The following RHPN2 variants were observed in gnomAD, a reference collection of about 807,000 sequenced individuals.
RHPN2 encodes rhophilin-2.
A neutral mutation model predicts 79.0 loss-of-function variants in RHPN2; 40 were observed. That is an observed-to-expected ratio of 0.51 (90% CI 0.39 to 0.66). The LOEUF is 0.66. RHPN2 is among the 30% of genes least tolerant of loss of function. The pLI is 0.00. For missense variants in RHPN2, 686 were observed against 883.5 expected, an observed-to-expected ratio of 0.78 and a Z score of 2.83; for synonymous variants, 285 against 363.5, an observed-to-expected ratio of 0.78 and a Z score of 2.46.
chr19:33,053,271 G>A (rs1972204175), intron 1 of RHPN2, among the ~76,000 whole-genome samples: 1 of 151,920 alleles, frequency 6.6e-6, no homozygotes, highest in South Asian at 2.1e-4. Context: ...TTACAGGTGT[G>A]AGCCACTGCG....
intron 14 of RHPN2, among the ~76,000 whole-genome samples, chr19:32,980,975 A>T (rs1265734672): frequency 1.3e-5 from 2 of 151,910 alleles, no homozygotes; most frequent in Non-Finnish European, 2.9e-5. Context: ...AGTAGCTGGG[A>T]CTACAGACAC....
chr19:33,015,370 A>G (rs111456515), intron 4 of RHPN2, among the ~76,000 whole-genome samples: 2,465 of 127,210 alleles, frequency 0.019, no homozygotes, highest in South Asian at 0.028. Flanking sequence ...GGTTGCAGTG[A>G]GCTGAGATTG....
chr19:33,003,092 C>T, intron 7 of RHPN2, 92 bp from the exon 8 acceptor site: 1 of 1,159,408 alleles, frequency 8.6e-7, no homozygotes, highest in Non-Finnish European at 1.3e-6. Context: ...AGTGCGGTGG[C>T]TCATGCCCAT....
At position 33,002,501 on chromosome 19, in the gene RHPN2, C is replaced by A. The variant is rs1000856885; in HGVS notation, c.949-98G>T. 11 of 1,472,092 alleles carry A rather than the reference C, an allele frequency of 7.5e-6. No homozygotes were observed. In the African/African-American group the frequency reaches 1.3e-4, roughly 17 times the overall value. The allele number at this position is 1,472,092 out of a possible 1,614,324, so 91.2% of individuals were successfully genotyped here. ...GCCCTTTCTTCTTCCCATGCAACAG[C>A]CCCTGCCAGGGGCTGCTCCAGAATC... is the stretch of plus-strand genomic sequence containing the variant. On this transcript the variant is annotated intron_variant, in intron 8 of 14. Coordinates refer to ENST00000254260, the MANE Select transcript of RHPN2 (RefSeq NM_033103.5).
At chr19:33,033,976 C>T (rs369012535) in intron 2 of RHPN2, among the ~76,000 whole-genome samples, 1 of 151,964 alleles carries the variant, frequency 6.6e-6, no homozygotes, top group South Asian at 2.1e-4. Flanking sequence ...TATTTTTCCA[C>T]CTTTATATAT....
intron 14 of RHPN2, among the ~76,000 whole-genome samples, chr19:32,980,656 A>C (rs1448351158): frequency 6.6e-6 from 1 of 152,118 alleles, no homozygotes; most frequent in African/African-American, 2.4e-5. Context: ...ACCAATGCTT[A>C]TATAGAATTA....
chr19:33,063,196 C>A (rs1972296643), intron 1 of RHPN2, among the ~76,000 whole-genome samples: 1 of 152,084 alleles, frequency 6.6e-6, no homozygotes, highest in South Asian at 2.1e-4. Context: ...GTCCCAAACG[C>A]CACACATAAT....
At chr19:33,061,225 C>CTTTTT (rs35377340) in intron 1 of RHPN2, among the ~76,000 whole-genome samples, 25 of 120,582 alleles carry the variant, frequency 2.1e-4, no homozygotes, top group Non-Finnish European at 3.0e-4. Flanking sequence ...ACCTGCCTTT[C>CTTTTT]TTTTTTTTTT....
At chr19:33,005,172 G>C (rs545907930) in intron 7 of RHPN2, among the ~76,000 whole-genome samples, 2 of 151,606 alleles carry the variant, frequency 1.3e-5, no homozygotes, top group African/African-American at 4.8e-5. Flanking sequence ...CCAGCACTTT[G>C]GGAGGCCGAG....
intron 4 of RHPN2, among the ~76,000 whole-genome samples, chr19:33,014,652 G>A (rs1971863479): frequency 6.6e-6 from 1 of 152,148 alleles, no homozygotes; most frequent in South Asian, 2.1e-4. Context: ...GGGTATGGTG[G>A]CTCACACCTG....
chr19:32,982,263 C>T (rs1971580828), intron 14 of RHPN2, among the ~76,000 whole-genome samples: 1 of 151,970 alleles, frequency 6.6e-6, no homozygotes, highest in African/African-American at 2.4e-5. Context: ...CAAAAATCAG[C>T]CAGGTGTGGT....
intron 7 of RHPN2, among the ~76,000 whole-genome samples, chr19:33,005,880 C>T (rs10422724): frequency 0.2 from 30,092 of 151,952 alleles, 3,057 homozygotes; most frequent in Middle Eastern, 0.28. Flanking sequence ...ATAGACCAAT[C>T]TTTTATTTTT....
intron 3 of RHPN2, among the ~76,000 whole-genome samples, chr19:33,026,153 AT>A (rs925915097): frequency 4.5e-4 from 65 of 145,712 alleles, no homozygotes; most frequent in Admixed American, 6.9e-4. Flanking sequence ...ACGCCTGGCT[AT>A]TTTTTTTTTT....
chr19:33,046,919 A>G (rs1358708565), intron 1 of RHPN2, among the ~76,000 whole-genome samples: 1 of 151,532 alleles, frequency 6.6e-6, no homozygotes, highest in African/African-American at 2.4e-5. Flanking sequence ...CTGCAGTGGT[A>G]TGATCTTGGC....
At chr19:33,064,056 A>G (rs1972305159) in intron 1 of RHPN2, among the ~76,000 whole-genome samples, 2 of 152,004 alleles carry the variant, frequency 1.3e-5, no homozygotes. Context: ...GCAAAAAGAG[A>G]CCGCCGGCCG....
chr19:33,063,116 G>C (rs1317306946), intron 1 of RHPN2, among the ~76,000 whole-genome samples: 1 of 152,116 alleles, frequency 6.6e-6, no homozygotes, highest in Non-Finnish European at 1.5e-5. Flanking sequence ...TCAGGCCCCG[G>C]GGCCCGAGGA....
chr19:33,013,258 G>T (rs1028188738), intron 4 of RHPN2, among the ~76,000 whole-genome samples: 4 of 149,414 alleles, frequency 2.7e-5, no homozygotes, highest in Admixed American at 6.7e-5. Context: ...GCAATCTTGC[G>T]ATCTCGGCTC....
At chr19:33,049,909 C>G (rs1022859000) in intron 1 of RHPN2, among the ~76,000 whole-genome samples, 5 of 152,252 alleles carry the variant, frequency 3.3e-5, no homozygotes, top group African/African-American at 9.6e-5. Flanking sequence ...GGAATGCATG[C>G]AACCCCCAGA....
At chr19:33,014,205 G>A in intron 4 of RHPN2, among the ~76,000 whole-genome samples, 1 of 150,258 alleles carries the variant, frequency 6.7e-6, no homozygotes, top group East Asian at 2.0e-4. Context: ...TTACATTAAA[G>A]CTCCTCCTGT....
Sources: allele counts gnomAD v4.1 joint callset (sites outside exome capture counted in the v4.1 genomes callset), GRCh38; gene constraint gnomAD v4.1.1; transcripts MANE v1.5; gene names NCBI Gene and HGNC (gene_info 2026-07-23, HGNC 2026-07-21).